ACBD5: variants seen among roughly 807,000 people sequenced by gnomAD.
ACBD5 encodes acyl-CoA-binding domain-containing protein 5.
Under a neutral mutation model 71.8 loss-of-function variants are expected in ACBD5, and 40 were observed. The ratio of observed to expected loss-of-function variants is 0.56; its 90% CI spans 0.43 to 0.72. The LOEUF is 0.72. ACBD5 is among the 30% of genes least tolerant of loss of function. The probability of loss-of-function intolerance (pLI) is 0.00; values close to 1 mark genes in which losing one functional copy is unlikely to be tolerated. For missense variants in ACBD5, 559 were observed against 644.5 expected, an observed-to-expected ratio of 0.87 and a Z score of 1.44; for synonymous variants, 229 against 218.6, an observed-to-expected ratio of 1.05 and a Z score of -0.42.
Position 27,195,366 on chromosome 10 carries a change from T to C in ACBD5, c.*2064A>G, listed in dbSNP as rs1309550646. ...TCCTATAATTACATCTTTACTTTTA[T>C]ATACAAGAACTGTGTGCAAAGTGCT... On this transcript the variant is annotated 3_prime_UTR_variant, in exon 13 of 13. Transcript: ENST00000396271. 1 of 454,320 alleles carries C rather than the reference T, an allele frequency of 2.2e-6. No homozygotes were observed. The allele number at this position is 454,320 out of a possible 1,614,324, so 28.1% of individuals were successfully genotyped here.
intron 7 of ACBD5, 43 bp from the exon 8 acceptor site, chr10:27,215,684 T>C (rs780722414): frequency 5.7e-6 from 8 of 1,404,610 alleles, no homozygotes; most frequent in Non-Finnish European, 8.0e-6. Context: ...TATACTATAG[T>C]AGAAGAAAAA....
chr10:27,219,294 G>A (rs764169443), intron 6 of ACBD5, among the ~76,000 whole-genome samples: 22 of 139,586 alleles, frequency 1.6e-4, no homozygotes, highest in East Asian at 8.4e-4. Flanking sequence ...GCAACAGAGC[G>A]AGACTCTATC....
At chr10:27,239,388 A>G (rs928392149) in intron 2 of ACBD5, among the ~76,000 whole-genome samples, 3 of 152,238 alleles carry the variant, frequency 2.0e-5, no homozygotes, top group African/African-American at 7.2e-5. Flanking sequence ...AACAGGGTTA[A>G]TATGAAGAAA....
In ACBD5 at chr10:27,240,038, G is replaced by A. The variant is rs1005750604; in HGVS notation, c.181+281C>T. On this transcript the variant is annotated intron_variant, in intron 2 of 12. Coordinates refer to ENST00000396271, the MANE Select transcript of ACBD5 (RefSeq NM_145698.5). This position sits in a 1 kb window ranked among gnomAD's most constrained non-coding sequence, Gnocchi z 4.1. Reference sequence around the variant, plus strand: ...GTTGGGATTACAGGCTTGAGCCACCGCGCCCGGCCCGGATTTATTTTTTAA... The same window carrying A: ...GTTGGGATTACAGGCTTGAGCCACCACGCCCGGCCCGGATTTATTTTTTAA... Among the ~76,000 whole-genome samples, 1 of 152,116 alleles carries A rather than the reference G, an allele frequency of 6.6e-6. No individual in the cohort carries two copies. Among genetic ancestry groups the A allele is most frequent in the Admixed American group, 6.5e-5 (1 of 15,276 alleles).
At position 27,195,802 on chromosome 10, in the gene ACBD5, C is replaced by A. The variant is rs1165838846; in HGVS notation, c.*1628G>T. 9.7e-6 allele frequency: 4 copies of A among 412,070 alleles called. No individual in the cohort carries two copies. The highest frequency in any genetic ancestry group is 6.5e-5 in the Admixed American group (2 of 30,786). 25.5% of individuals were successfully genotyped at this position (412,070 alleles called of 1,614,324 possible). ...AAATTGTATTCTTATACTTTTCAGGCAAACAAAGAACCATTCTGTATACTA... is the reference window on the plus strand; with the variant it reads ...AAATTGTATTCTTATACTTTTCAGGAAAACAAAGAACCATTCTGTATACTA... On this transcript the variant is annotated 3_prime_UTR_variant, in exon 13 of 13. Coordinates refer to ENST00000396271, the MANE Select transcript of ACBD5 (RefSeq NM_145698.5).
chr10:27,236,004 T>G (rs2064628531), intron 2 of ACBD5, among the ~76,000 whole-genome samples: 2 of 151,824 alleles, frequency 1.3e-5, no homozygotes, highest in African/African-American at 2.4e-5. Flanking sequence ...TCCCAGCTAC[T>G]CAGGAGCCTA....
At position 27,212,200 on chromosome 10, in the gene ACBD5, T is replaced by C. The variant is rs978420214; in HGVS notation, c.937-1119A>G. Among the ~76,000 whole-genome samples, 51 of 152,122 alleles carry C rather than the reference T, an allele frequency of 3.4e-4. 1 individual carries two copies. Among genetic ancestry groups the C allele is most frequent in the Middle Eastern group, 3.2e-3 (1 of 316 alleles). On this transcript the variant is annotated intron_variant, in intron 8 of 12. Coordinates refer to ENST00000396271, the MANE Select transcript of ACBD5 (RefSeq NM_145698.5). ...CCCGTCTTTACTAAAAATACAAAAATTAGCCAGTCAGGGCGGCACATGCCT... is the reference window on the plus strand; with the variant it reads ...CCCGTCTTTACTAAAAATACAAAAACTAGCCAGTCAGGGCGGCACATGCCT...
At chr10:27,219,023 C>T (rs570204701) in intron 6 of ACBD5, among the ~76,000 whole-genome samples, 3 of 152,132 alleles carry the variant, frequency 2.0e-5, no homozygotes, top group Non-Finnish European at 2.9e-5. Context: ...GCCTGTAGGC[C>T]GGGTGCGATG....
chr10:27,223,275 C>A, intron 5 of ACBD5, 63 bp downstream of exon 5: 1 of 1,239,342 alleles, frequency 8.1e-7, no homozygotes, highest in Non-Finnish European at 1.2e-6. Flanking sequence ...ATCAGAGATA[C>A]AAATATTAAT....
At chr10:27,229,296 G>A (rs1414511767) in intron 4 of ACBD5, among the ~76,000 whole-genome samples, 1 of 151,876 alleles carries the variant, frequency 6.6e-6, no homozygotes, top group African/African-American at 2.4e-5. Context: ...AAAGAATAAT[G>A]ACAGTGACAG....
At chr10:27,231,085 A>C (rs2063799729) in intron 4 of ACBD5, among the ~76,000 whole-genome samples, 1 of 152,220 alleles carries the variant, frequency 6.6e-6, no homozygotes, top group African/African-American at 2.4e-5. Flanking sequence ...CTAAGTAAAA[A>C]GTTCCAAAGC....
At chr10:27,225,426 G>A (rs1190260955) in intron 4 of ACBD5, among the ~76,000 whole-genome samples, 1 of 152,138 alleles carries the variant, frequency 6.6e-6, no homozygotes, top group Non-Finnish European at 1.5e-5. Flanking sequence ...ATATGTGTAG[G>A]AGGAGGTTGT....
rs1176668350 is a variant in ACBD5, at chr10:27,195,773, A to AAGT, written c.*1654_*1656dup. On this transcript the variant is annotated 3_prime_UTR_variant, in exon 13 of 13. Transcript: ENST00000396271. ...AAAATAAGGAAAAAGAGTTTGGGAA[A>AAGT]AGTAAATTGTATTCTTATACTTTTC... is the stretch of plus-strand genomic sequence containing the variant. 2.2e-5 allele frequency: 9 copies of AAGT among 410,246 alleles called. No individual in the cohort carries two copies. Among genetic ancestry groups the AAGT allele is most frequent in the African/African-American group, 1.5e-4 (7 of 47,630 alleles). 25.4% of individuals were successfully genotyped at this position (410,246 alleles called of 1,614,324 possible).
chr10:27,190,496 T>C (rs181916308), downstream of ACBD5, among the ~76,000 whole-genome samples: 110 of 152,298 alleles, frequency 7.2e-4, no homozygotes, highest in African/African-American at 2.6e-3. Context: ...TACTTTAATT[T>C]TGGGTTCGGG....
At chr10:27,236,201 T>C (rs2138385785) in intron 2 of ACBD5, among the ~76,000 whole-genome samples, 1 of 152,274 alleles carries the variant, frequency 6.6e-6, no homozygotes, top group South Asian at 2.1e-4. Flanking sequence ...ATGTTAATGT[T>C]TTATAATAGC....
Position 27,240,580 on chromosome 10 carries a change from G to A in ACBD5, c.15+94C>T, listed in dbSNP as rs2065365250. 3.9e-6 allele frequency: 6 copies of A among 1,551,272 alleles called. No homozygotes were observed. The South Asian group carries it at 7.1e-5, about 18-fold the overall frequency. ...TTCCCCTTTGCCCTGCCCTATCCAG[G>A]CCACACAGATCGAAGCGGCCCGGCT... On this transcript the variant is annotated intron_variant, in intron 1 of 12. Transcript: ENST00000396271. This position sits in a 1 kb window ranked among gnomAD's most constrained non-coding sequence, Gnocchi z 4.1.
At chr10:27,241,049 G>T (rs1004870064), upstream of ACBD5, among the ~76,000 whole-genome samples, 105 of 152,334 alleles carry the variant, frequency 6.9e-4, no homozygotes, top group African/African-American at 2.5e-3. Flanking sequence ...GGACCGATGT[G>T]TCCGCTCTGG....
At chr10:27,221,991 TAAG>T (rs2062411970) in intron 5 of ACBD5, among the ~76,000 whole-genome samples, 1 of 151,106 alleles carries the variant, frequency 6.6e-6, no homozygotes, top group South Asian at 2.1e-4. Flanking sequence ...GCATGCCTTA[TAAG>T]AAGGACTACT....
chr10:27,191,040 G>GT (rs1188594390), downstream of ACBD5, among the ~76,000 whole-genome samples: 1 of 152,162 alleles, frequency 6.6e-6, no homozygotes, highest in Non-Finnish European at 1.5e-5. Context: ...AATAAAAATG[G>GT]TATGTCTGCA....
Sources: allele counts gnomAD v4.1 joint callset (sites outside exome capture counted in the v4.1 genomes callset), GRCh38; gene constraint gnomAD v4.1.1; non-coding constraint Gnocchi (gnomAD v3.1); transcripts MANE v1.5; gene names NCBI Gene and HGNC (gene_info 2026-07-23, HGNC 2026-07-21).